BBS9: variants seen among roughly 807,000 people sequenced by gnomAD.
BBS9 encodes the protein protein PTHB1.
Under a neutral mutation model 117.7 loss-of-function variants are expected in BBS9, and 89 were observed. The ratio of observed to expected loss-of-function variants is 0.76; its 90% CI spans 0.64 to 0.90. BBS9 has a LOEUF of 0.90. Ranked by LOEUF, BBS9 falls within the 40% of genes least tolerant of loss-of-function variation. The pLI, the probability that BBS9 is intolerant of heterozygous loss-of-function variation, is 0.00. For missense variants in BBS9, 982 were observed against 1,042.2 expected (o/e 0.94, Z 0.80); for synonymous variants, 379 against 370.9 (o/e 1.02, Z -0.25).
intron 19 of BBS9, among the ~76,000 whole-genome samples, chr7:33,479,418 A>G (rs1361473131): frequency 6.6e-6 from 1 of 152,220 alleles, no homozygotes; most frequent in Non-Finnish European, 1.5e-5. Context: ...AGCTACATCC[A>G]TGTTGCTGCC....
chr7:33,272,942 A>G, intron 7 of BBS9, 70 bp from the exon 8 acceptor site: 3 of 1,434,518 alleles, frequency 2.1e-6, no homozygotes, highest in Non-Finnish European at 2.9e-6. Context: ...TTCTTAATTT[A>G]TATTGATATG....
At chr7:33,371,141 CA>C (rs1822788382) in intron 17 of BBS9, among the ~76,000 whole-genome samples, 1 of 152,172 alleles carries the variant, frequency 6.6e-6, no homozygotes, top group East Asian at 1.9e-4. Flanking sequence ...GATGCTGAGT[CA>C]AAGATGAAAT....
chr7:33,342,705 A>C (rs901530258), intron 11 of BBS9, among the ~76,000 whole-genome samples: 3 of 152,132 alleles, frequency 2.0e-5, no homozygotes, highest in Non-Finnish European at 4.4e-5. Context: ...CTTTGGTGCC[A>C]TGACGTCTTC....
intron 21 of BBS9, among the ~76,000 whole-genome samples, chr7:33,622,519 A>G (rs1046791125): frequency 1.3e-5 from 2 of 152,236 alleles, no homozygotes; most frequent in African/African-American, 4.8e-5. Context: ...TTCACAGCGT[A>G]TACACATTCA....
intron 9 of BBS9, among the ~76,000 whole-genome samples, chr7:33,304,118 C>CACA (rs1807255043): frequency 6.7e-6 from 1 of 149,446 alleles, no homozygotes; most frequent in African/African-American, 2.5e-5. Flanking sequence ...TCTGCCTGGC[C>CACA]ACCCCGTCTG....
rs944064528 is a variant in BBS9 at position 33,388,219 on chromosome 7, A to G, written c.2115+75A>G. The G allele has an allele frequency of 3.3e-6, 5 of 1,517,456 alleles. No individual in the cohort carries two copies. In the African/African-American group the frequency reaches 6.9e-5, roughly 21 times the overall value. 94.0% of individuals were successfully genotyped at this position (1,517,456 alleles called of 1,614,324 possible). A position where few individuals can be genotyped will look rare whatever the true frequency, so the allele number is the denominator to read the frequency against. ...TGTCACCCTAGAGTCATGTACCAGA[A>G]TATCCAAGATAAGGTACTCATTTCC... On this transcript the variant is annotated intron_variant, in intron 19 of 22. Transcript: ENST00000242067.
At chr7:33,383,935 T>C (rs1325576727) in intron 18 of BBS9, 97 bp downstream of exon 18, 1 of 1,279,462 alleles carries the variant, frequency 7.8e-7, no homozygotes. Flanking sequence ...CATTAGGCTA[T>C]GTGCTTCTAG....
intron 19 of BBS9, among the ~76,000 whole-genome samples, chr7:33,463,761 T>G (rs1839803096): frequency 6.6e-6 from 1 of 152,082 alleles, no homozygotes; most frequent in African/African-American, 2.4e-5. Context: ...CCACCAAATA[T>G]TAAACAAATG....
chr7:33,321,790 T>C (rs1439068461), intron 9 of BBS9, among the ~76,000 whole-genome samples: 1 of 152,128 alleles, frequency 6.6e-6, no homozygotes, highest in Non-Finnish European at 1.5e-5. Context: ...ATCCTTGTCA[T>C]GTTCCAGATC....
chr7:33,546,744 A>G lies in BBS9; in HGVS notation c.2521+12568A>G, dbSNP rs115331270. ...TGGTAAAATTACCACTAATTTCTGAAGACCCAGCTGAAATGATGTTCCACA... is the reference window on the plus strand; with the variant it reads ...TGGTAAAATTACCACTAATTTCTGAGGACCCAGCTGAAATGATGTTCCACA... On this transcript the variant is annotated intron_variant, in intron 21 of 22. Transcript: ENST00000242067. 2.8e-3 allele frequency among the ~76,000 whole-genome samples: 434 copies of G among 152,292 alleles called. 5 individuals are homozygous for G. Among genetic ancestry groups the G allele is most frequent in the African/African-American group, 0.01 (421 of 41,560 alleles).
At chr7:33,542,511 C>A (rs1395541433) in intron 21 of BBS9, among the ~76,000 whole-genome samples, 1 of 152,078 alleles carries the variant, frequency 6.6e-6, no homozygotes, top group Non-Finnish European at 1.5e-5. Context: ...TCCCCAGAGT[C>A]CATTGTATCA....
chr7:33,467,932 GT>G (rs1425525965), intron 19 of BBS9, among the ~76,000 whole-genome samples: 1 of 152,106 alleles, frequency 6.6e-6, no homozygotes, highest in Non-Finnish European at 1.5e-5. Context: ...AATTCACTGA[GT>G]TGGCCTGGAC....
chr7:33,227,466 A>T (rs568634081), intron 5 of BBS9, among the ~76,000 whole-genome samples: 16 of 152,054 alleles, frequency 1.1e-4, no homozygotes, highest in East Asian at 7.7e-4. Flanking sequence ...TTAAAAAATT[A>T]AAAAAAAGTT....
In BBS9 at chr7:33,574,705, A is replaced by G. The variant is rs1411265957; in HGVS notation, c.2522-30160A>G. Among the ~76,000 whole-genome samples the G allele has an allele frequency of 4.9e-5, 7 of 143,334 alleles. No individual in the cohort carries two copies. In the East Asian group the frequency reaches 1.4e-3, roughly 29 times the overall value. The allele number at this position is 143,334 out of a possible 152,430, so 94.0% of individuals were successfully genotyped here. On this transcript the variant is annotated intron_variant, in intron 21 of 22. Transcript: ENST00000242067. ...AGAAAACACACACACACACACACACACACACACACACACACACACACGCGC... is the reference window on the plus strand; with the variant it reads ...AGAAAACACACACACACACACACACGCACACACACACACACACACACGCGC...
chr7:33,216,459 G>T (rs1279074278), intron 5 of BBS9, among the ~76,000 whole-genome samples: 1 of 152,164 alleles, frequency 6.6e-6, no homozygotes, highest in Non-Finnish European at 1.5e-5. Context: ...TACAAAAAAG[G>T]ATAGGTACTA....
chr7:33,271,589 A>G lies in BBS9; in HGVS notation c.703-1423A>G, dbSNP rs116551082. 8.1e-3 allele frequency among the ~76,000 whole-genome samples: 1,230 copies of G among 152,346 alleles called. 20 individuals are homozygous for G. The highest frequency in any genetic ancestry group is 0.028 in the African/African-American group (1,176 of 41,582). On this transcript the variant is annotated intron_variant, in intron 7 of 22. Transcript: ENST00000242067. Reference sequence around the variant, plus strand: ...TTCAGGCAAAACAGACTTTAAACCAACAAAGACTAAAAAAGACAAATAAGG... The same window carrying G: ...TTCAGGCAAAACAGACTTTAAACCAGCAAAGACTAAAAAAGACAAATAAGG...
intron 19 of BBS9, among the ~76,000 whole-genome samples, chr7:33,483,691 C>A (rs770521361): frequency 2.0e-5 from 3 of 151,650 alleles, no homozygotes; most frequent in Non-Finnish European, 2.9e-5. Flanking sequence ...AGTGCAGTGG[C>A]GTGATCATGC....
At position 33,341,789 on chromosome 7, in the gene BBS9, G is replaced by A. The variant is rs560639271; in HGVS notation, c.1275+816G>A. Among the ~76,000 whole-genome samples, 7 of 149,878 alleles carry A rather than the reference G, an allele frequency of 4.7e-5. No individual in the cohort carries two copies. In the South Asian group the frequency reaches 1.2e-3, roughly 27 times the overall value. On this transcript the variant is annotated intron_variant, in intron 11 of 22. Coordinates refer to ENST00000242067, the MANE Select transcript of BBS9 (RefSeq NM_198428.3). ...AGTGAATTAATACAACTGAGAAATA[G>A]AAAGGATGAAAGGAGGACTATTCTT...
chr7:33,548,395 G>A (rs915430807), intron 21 of BBS9, among the ~76,000 whole-genome samples: 9 of 151,384 alleles, frequency 5.9e-5, no homozygotes, highest in Admixed American at 4.0e-4. Flanking sequence ...TGTGCACATT[G>A]TGCAGGTTAG....
Sources: gnomAD v4.1 joint callset for allele counts (sites outside exome capture counted in the v4.1 genomes callset) on GRCh38, gnomAD v4.1.1 for gene constraint, MANE v1.5 for transcripts, NCBI Gene and HGNC (gene_info 2026-07-23, HGNC 2026-07-21) for gene names.